Variants in KCNMA1 observed in about 807,000 individuals in gnomAD.
KCNMA1 encodes the protein Calcium-activated potassium channel subunit alpha-1.
Under a neutral mutation model 140.0 loss-of-function variants are expected in KCNMA1, and 29 were observed. That is an observed-to-expected ratio of 0.21 (90% CI 0.15 to 0.28). The LOEUF is 0.28. KCNMA1 is among the 10% of genes least tolerant of loss of function. The pLI, the probability that KCNMA1 is intolerant of heterozygous loss-of-function variation, is 1.00. For missense variants in KCNMA1, 880 were observed against 1,602.2 expected (o/e 0.55, Z 7.70); for synonymous variants, 612 against 611.9 (o/e 1.00, Z 0.00).
downstream of KCNMA1, chr10:76,875,259 G>A (rs1165871173): frequency 2.0e-5 from 3 of 152,030 alleles, no homozygotes; most frequent in African/African-American, 7.3e-5. Context: ...TTGTTTTCTA[G>A]TCCAGAACAA....
intron 23 of KCNMA1, among the ~76,000 whole-genome samples, chr10:76,917,574 C>A (rs956138710): frequency 2.6e-5 from 4 of 152,096 alleles, no homozygotes; most frequent in African/African-American, 4.8e-5. Flanking sequence ...AGTCACCAGG[C>A]CTGGTTCCAT....
chr10:76,927,336 T>C (rs990916385), intron 23 of KCNMA1, among the ~76,000 whole-genome samples: 3 of 152,106 alleles, frequency 2.0e-5, no homozygotes, highest in African/African-American at 7.2e-5. Flanking sequence ...ACAAACACTA[T>C]GGGCTAAAGG....
chr10:77,395,590 G>A (rs974274552), intron 2 of KCNMA1, among the ~76,000 whole-genome samples: 5 of 152,234 alleles, frequency 3.3e-5, no homozygotes, highest in Admixed American at 2.0e-4. Flanking sequence ...CAGGACTTCT[G>A]TAAGTATTTA....
At chr10:77,553,929 C>T (rs1347910235) in intron 1 of KCNMA1, among the ~76,000 whole-genome samples, 3 of 152,122 alleles carry the variant, frequency 2.0e-5, no homozygotes, top group Non-Finnish European at 2.9e-5. Context: ...ATTTGATATT[C>T]CACTCCTGGA....
chr10:77,573,642 G>GGAATGGAATGGAATA (rs2072755989), intron 1 of KCNMA1, among the ~76,000 whole-genome samples: 3 of 65,224 alleles, frequency 4.6e-5, no homozygotes, highest in Admixed American at 1.5e-4. Context: ...GGAATGGAAT[G>GGAATGGAATGGAATA]GAATAGAATA....
At chr10:76,925,010 C>T (rs1205805203) in intron 23 of KCNMA1, among the ~76,000 whole-genome samples, 2 of 152,162 alleles carry the variant, frequency 1.3e-5, no homozygotes, top group African/African-American at 4.8e-5. Flanking sequence ...CCCAACCCAG[C>T]TCCTGTCGTT....
intron 2 of KCNMA1, among the ~76,000 whole-genome samples, chr10:77,309,841 C>T (rs1272502522): frequency 6.6e-6 from 1 of 152,150 alleles, no homozygotes; most frequent in Non-Finnish European, 1.5e-5. Context: ...AGTCCCACAG[C>T]CTCTCTGGTC....
intron 5 of KCNMA1, among the ~76,000 whole-genome samples, chr10:77,133,529 T>C (rs2097909319): frequency 6.6e-6 from 1 of 151,542 alleles, no homozygotes; most frequent in Admixed American, 6.6e-5. Context: ...CAAAAAGTTA[T>C]ATAAAAATTA....
intron 18 of KCNMA1, among the ~76,000 whole-genome samples, chr10:77,007,746 AAAG>A (rs1234266484): frequency 6.7e-6 from 1 of 150,346 alleles, no homozygotes; most frequent in African/African-American, 2.5e-5. Context: ...GCTCAATAAC[AAAG>A]GAGACCAAGT....
chr10:77,392,136 AAGGAAGGGAGGGAGGG>A (rs1304741908), intron 2 of KCNMA1, among the ~76,000 whole-genome samples: 10 of 132,864 alleles, frequency 7.5e-5, no homozygotes, highest in South Asian at 5.9e-4. Context: ...TGAGGCGAGG[AAGGAAGGGAGGGAGGG>A]AGGAAGGGAG....
chr10:77,294,235 C>T (rs2074260390), intron 2 of KCNMA1, among the ~76,000 whole-genome samples: 1 of 152,234 alleles, frequency 6.6e-6, no homozygotes, highest in Non-Finnish European at 1.5e-5. Context: ...CAACTCTGGG[C>T]CCAGGTTTGC....
chr10:77,501,791 G>A (rs78022503), intron 1 of KCNMA1, among the ~76,000 whole-genome samples: 2,526 of 152,320 alleles, frequency 0.017, 36 homozygotes, highest in Non-Finnish European at 0.024. Context: ...GGCAGGCAGA[G>A]GCCTTGGGCC....
At chr10:77,602,111 A>G (rs1379229540) in intron 1 of KCNMA1, among the ~76,000 whole-genome samples, 1 of 152,148 alleles carries the variant, frequency 6.6e-6, no homozygotes, top group African/African-American at 2.4e-5. Flanking sequence ...AGGGACACAA[A>G]ACTCACCAAT....
chr10:77,574,189 T>C (rs2073100842), intron 1 of KCNMA1, among the ~76,000 whole-genome samples: 1 of 152,040 alleles, frequency 6.6e-6, no homozygotes, highest in Admixed American at 6.6e-5. Flanking sequence ...CTGCATCTCA[T>C]GTGGTAAGGA....
At chr10:77,362,104 C>T (rs910735105) in intron 2 of KCNMA1, among the ~76,000 whole-genome samples, 1 of 152,160 alleles carries the variant, frequency 6.6e-6, no homozygotes, top group Non-Finnish European at 1.5e-5. Flanking sequence ...CCCTAAGGGG[C>T]TTCCAGATCG....
chr10:77,130,417 A>G (rs2097835898), intron 5 of KCNMA1, among the ~76,000 whole-genome samples: 2 of 152,176 alleles, frequency 1.3e-5, no homozygotes, highest in South Asian at 4.1e-4. Flanking sequence ...GGGGTATTAA[A>G]TGCATTCTCA....
rs1165464872 is a variant in KCNMA1, at chr10:77,112,580, A to G, written c.885-138T>C. On this transcript the variant is annotated intron_variant, in intron 6 of 27. Coordinates refer to ENST00000286628, the MANE Select transcript of KCNMA1 (RefSeq NM_001161352.2). ...CCAACCATTTCTCCATTATAAGGGA[A>G]TTCTGGAAGGTGGAGGAAGCTGCTG... The G allele has an allele frequency of 1.7e-5, 12 of 698,784 alleles. No homozygotes were observed. In the East Asian group the frequency reaches 3.3e-4, roughly 19 times the overall value. The allele number at this position is 698,784 out of a possible 1,614,324, so 43.3% of individuals were successfully genotyped here.
chr10:76,993,188 T>A (rs1372574717), intron 19 of KCNMA1, among the ~76,000 whole-genome samples: 1 of 152,146 alleles, frequency 6.6e-6, no homozygotes, highest in African/African-American at 2.4e-5. Flanking sequence ...TGCCTGCCTG[T>A]CACCTTCAAC....
intron 21 of KCNMA1, among the ~76,000 whole-genome samples, chr10:76,951,861 A>C (rs537044708): frequency 2.1e-4 from 32 of 151,884 alleles, no homozygotes; most frequent in Admixed American, 2.1e-3. Flanking sequence ...GCTAGAACAC[A>C]AAGAGATAAC....
Sources: allele counts gnomAD v4.1 joint callset (sites outside exome capture counted in the v4.1 genomes callset), GRCh38; gene constraint gnomAD v4.1.1; transcripts MANE v1.5; gene names NCBI Gene and HGNC (gene_info 2026-07-23, HGNC 2026-07-21).